Variants in AKAP11 observed in about 807,000 individuals in gnomAD.
The protein encoded by AKAP11 is A-kinase anchor protein 11.
Under a neutral mutation model 146.1 loss-of-function variants are expected in AKAP11, and 36 were observed. The ratio of observed to expected loss-of-function variants is 0.25; its 90% CI spans 0.19 to 0.33. The LOEUF is 0.33. Ranked by LOEUF, AKAP11 falls within the 10% of genes least tolerant of loss-of-function variation. The pLI is 1.00. For synonymous variants in AKAP11, 780 were observed against 786.5 expected (o/e 0.99, Z 0.14); for missense variants, 2,201 against 2,197.0 (o/e 1.00, Z -0.04).
chr13:42,311,135 A>G (rs1320753572), intron 9 of AKAP11, among the ~76,000 whole-genome samples: 1 of 152,214 alleles, frequency 6.6e-6, no homozygotes, highest in African/African-American at 2.4e-5. Context: ...TTTTTATAAG[A>G]TGTATCACAA....
Position 42,323,259 on chromosome 13 carries a change from A to G in AKAP11, c.*4031A>G, listed in dbSNP as rs765202510. 1 of 152,630 alleles carries G rather than the reference A, an allele frequency of 6.6e-6. No individual in the cohort carries two copies. Among genetic ancestry groups the G allele is most frequent in the African/African-American group, 2.4e-5 (1 of 41,456 alleles). 9.5% of individuals were successfully genotyped at this position (152,630 alleles called of 1,614,324 possible). On this transcript the variant is annotated 3_prime_UTR_variant, in exon 13 of 13. Coordinates refer to ENST00000025301, the MANE Select transcript of AKAP11 (RefSeq NM_016248.4). Reference sequence around the variant, plus strand: ...AAGAGTTCTTCAATAAATTTAAGAAATACCTGGTCTTGGTTTTCATTCTAT... The same window carrying G: ...AAGAGTTCTTCAATAAATTTAAGAAGTACCTGGTCTTGGTTTTCATTCTAT...
At position 42,302,590 on chromosome 13, in the gene AKAP11, C is replaced by T; in HGVS notation, c.3844C>T (p.Leu1282Phe). Residue 1282 changes from leucine (L) to phenylalanine (F), a missense_variant, in exon 8 of 13, where the codon CTT (leucine) becomes TTT (phenylalanine). Physicochemically the swap from Leu to Phe is conservative, Grantham distance 22 (BLOSUM62 0). Coordinates refer to ENST00000025301, the MANE Select transcript of AKAP11 (RefSeq NM_016248.4). ...EKIAKVRNCM[L>F]FKQKKNSCYA... ...AATAGCAAAAGTCCGAAATTGTATGCTTTTCAAGCAAAAGAAGAACAGTTG... is the reference window on the plus strand; with the variant it reads ...AATAGCAAAAGTCCGAAATTGTATGTTTTTCAAGCAAAAGAAGAACAGTTG... 1 of 1,614,082 alleles carries T rather than the reference C, an allele frequency of 6.2e-7. No homozygotes were observed. Among genetic ancestry groups the T allele is most frequent in the Non-Finnish European group, 8.5e-7 (1 of 1,179,998 alleles).
rs1959910030 is a variant in AKAP11 at position 42,301,562 on chromosome 13, C to T, written c.2816C>T (p.Ala939Val). The T allele has an allele frequency of 3.1e-6, 5 of 1,614,002 alleles. No individual in the cohort carries two copies. Among genetic ancestry groups the T allele is most frequent in the African/African-American group, 1.3e-5 (1 of 74,928 alleles). The change falls in exon 8 of 13, where the codon GCT becomes GTT. Residue 939 changes from alanine (A) to valine (V), a missense_variant. Around this residue, in one of 3 missense-constraint regions of AKAP11, gnomAD observed 1,867 missense variants for 1,833.5 expected, o/e 1.02. Coordinates refer to ENST00000025301, the MANE Select transcript of AKAP11 (RefSeq NM_016248.4). ...GCTAGTAGCAATAAGGACATGTTTG[C>T]TGACCGGTTATCTAAATCTATTATT... ...SEASSNKDMF[A>V]DRLSKSIIKH...
Position 42,319,442 on chromosome 13 carries a change from A to G in AKAP11, c.*214A>G, listed in dbSNP as rs889322386. 7 of 598,404 alleles carry G rather than the reference A, an allele frequency of 1.2e-5. No individual in the cohort carries two copies. The South Asian group carries it at 1.2e-4, about 10-fold the overall frequency. 37.1% of individuals were successfully genotyped at this position (598,404 alleles called of 1,614,324 possible). A position where few individuals can be genotyped will look rare whatever the true frequency, so the allele number is the denominator to read the frequency against. On this transcript the variant is annotated 3_prime_UTR_variant, in exon 13 of 13. Transcript: ENST00000025301. ...AAATACTACCTTCATTTATTCTTCT[A>G]TACACATGTGTAGTGTGTCAAGACC...
chr13:42,307,149 A>AG, intron 8 of AKAP11, among the ~76,000 whole-genome samples: 1 of 152,218 alleles, frequency 6.6e-6, no homozygotes, highest in Non-Finnish European at 1.5e-5. Context: ...ATTCAAAAAA[A>AG]CAAAGTAGTA....
chr13:42,300,486 G>T lies in AKAP11; in HGVS notation c.1740G>T (p.Leu580Phe), dbSNP rs780752621. 5 of 1,614,050 alleles carry T rather than the reference G, an allele frequency of 3.1e-6. No homozygotes were observed. Among genetic ancestry groups the T allele is most frequent in the Middle Eastern group, 3.3e-4 (2 of 6,060 alleles). Residue 580 changes from leucine to phenylalanine, a missense_variant, in exon 8 of 13, where the codon TTG becomes TTT. Transcript: ENST00000025301. ...QKGVSSCTNALYHLAIKLTSS... is the reference protein window; with the variant it reads ...QKGVSSCTNAFYHLAIKLTSS... ...GAGTCTCTTCATGTACCAATGCTTT[G>T]TACCACTTAGCCATCAAATTGACAT...
intron 8 of AKAP11, among the ~76,000 whole-genome samples, chr13:42,307,441 TAGAG>T (rs1269226230): frequency 6.6e-6 from 1 of 151,836 alleles, no homozygotes; most frequent in Non-Finnish European, 1.5e-5. Flanking sequence ...GTTAGGGAGT[TAGAG>T]AGTGCTGGTG....
rs1038334062 is a variant in AKAP11, at chr13:42,308,446, C to CT, written c.5118-3dup. 3.2e-6 allele frequency: 5 copies of CT among 1,542,972 alleles called. No individual in the cohort carries two copies. In the Admixed American group the frequency reaches 7.9e-5, roughly 25 times the overall value. ...ATTTGATTTTTTTTCTTTTTTTCTT[C>CT]TTTTTAGTTCAAAAGAAATAGAAGA... is the stretch of plus-strand genomic sequence containing the variant. On this transcript the variant is annotated splice_region_variant and splice_polypyrimidine_tract_variant and intron_variant, in intron 8 of 12. Coordinates refer to ENST00000025301, the MANE Select transcript of AKAP11 (RefSeq NM_016248.4).
At chr13:42,288,046 C>T (rs1398257601) in intron 3 of AKAP11, among the ~76,000 whole-genome samples, 2 of 152,084 alleles carry the variant, frequency 1.3e-5, no homozygotes, top group Non-Finnish European at 2.9e-5. Context: ...TATGTGAATC[C>T]AGATATTACA....
intron 12 of AKAP11, among the ~76,000 whole-genome samples, chr13:42,317,960 A>C (rs1436501692): frequency 2.0e-5 from 3 of 152,192 alleles, no homozygotes; most frequent in Non-Finnish European, 4.4e-5. Context: ...GTTAAAAAAA[A>C]TGCTTGGTCT....
chr13:42,312,577 C>T (rs544210279), intron 9 of AKAP11, among the ~76,000 whole-genome samples: 2 of 152,314 alleles, frequency 1.3e-5, no homozygotes, highest in Non-Finnish European at 2.9e-5. Context: ...ATAGAGTCTT[C>T]CATCCCATCT....
At chr13:42,306,886 A>G (rs1211532591) in intron 8 of AKAP11, among the ~76,000 whole-genome samples, 1 of 152,160 alleles carries the variant, frequency 6.6e-6, no homozygotes, top group Admixed American at 6.5e-5. Flanking sequence ...AGATCTCACT[A>G]TGTTGCTCAG....
At position 42,292,546 on chromosome 13, in the gene AKAP11, A is replaced by G. The variant is rs189971792; in HGVS notation, c.168+45A>G. The G allele has an allele frequency of 3.9e-3, 4,518 of 1,172,468 alleles. 12 individuals carry two copies. The highest frequency in any genetic ancestry group is 5.1e-3 in the Non-Finnish European group (4,179 of 819,186). The allele number at this position is 1,172,468 out of a possible 1,614,324, so 72.6% of individuals were successfully genotyped here. On this transcript the variant is annotated intron_variant, in intron 4 of 12. Coordinates refer to ENST00000025301, the MANE Select transcript of AKAP11 (RefSeq NM_016248.4). ...AAACCCTTTCCTAATAATGCACAGC[A>G]TATTTTCATGCATCTTTGTAGGACT... is the stretch of plus-strand genomic sequence containing the variant.
In AKAP11 at chr13:42,319,152, A is replaced by G. The variant is rs749769902; in HGVS notation, c.5630A>G (p.Tyr1877Cys). ...GACCTCCTGCAGGCTGTGCTTCAAT[A>G]CTATGAAGTGATGGAAAAAGCTTCC... ...VGDLLQAVLQYYEVMEKASSE... is the reference protein window; with the variant it reads ...VGDLLQAVLQCYEVMEKASSE... The change falls in exon 13 of 13, where the codon TAC (tyrosine) becomes TGC (cysteine). Residue 1877 changes from tyrosine to cysteine, a missense_variant. Transcript: ENST00000025301. 2 of 1,614,078 alleles carry G rather than the reference A, an allele frequency of 1.2e-6. No homozygotes were observed. The highest frequency in any genetic ancestry group is 2.2e-5 in the East Asian group (1 of 44,876).
chr13:42,302,558 C>G lies in AKAP11; in HGVS notation c.3812C>G (p.Ala1271Gly), dbSNP rs1439034185. The G allele has an allele frequency of 6.2e-7, 1 of 1,613,868 alleles. No individual in the cohort carries two copies. Among genetic ancestry groups the G allele is most frequent in the African/African-American group, 1.3e-5 (1 of 74,866 alleles). Residue 1271 changes from alanine (A) to glycine (G), a missense_variant, in exon 8 of 13, where the codon GCT becomes GGT. Around this residue, in one of 3 missense-constraint regions of AKAP11, gnomAD observed 1,867 missense variants for 1,833.5 expected, o/e 1.02. Coordinates refer to ENST00000025301, the MANE Select transcript of AKAP11 (RefSeq NM_016248.4). ...CTGGCAGCAGAAGTCATTACAGAAGCTGAGAAAATAGCAAAAGTCCGAAAT... is the reference window on the plus strand; with the variant it reads ...CTGGCAGCAGAAGTCATTACAGAAGGTGAGAAAATAGCAAAAGTCCGAAAT... ...GDLAAEVITE[A>G]EKIAKVRNCM...
chr13:42,304,156 TTAAA>T (rs1410282849), intron 8 of AKAP11, among the ~76,000 whole-genome samples: 1 of 152,232 alleles, frequency 6.6e-6, no homozygotes, highest in South Asian at 2.1e-4. Context: ...TAAAGTTGAA[TTAAA>T]TAAATAGCTA....
Position 42,300,641 on chromosome 13 carries a change from A to G in AKAP11, c.1895A>G (p.Gln632Arg), listed in dbSNP as rs373431518. The change falls in exon 8 of 13, where the codon CAG (glutamine) becomes CGG (arginine). Residue 632 changes from glutamine (Q) to arginine (R), a missense_variant. Physicochemically the swap from Gln to Arg is conservative, Grantham distance 43. Coordinates refer to ENST00000025301, the MANE Select transcript of AKAP11 (RefSeq NM_016248.4). Reference sequence around the variant, plus strand: ...TTATCAAATGCCTTAAAAGATTTACAGTATGTAAAGAAGCAGATATTCACA... The same window carrying G: ...TTATCAAATGCCTTAAAAGATTTACGGTATGTAAAGAAGCAGATATTCACA... ...EALSNALKDL[Q>R]YVKKQIFTNT... 4.3e-5 allele frequency: 69 copies of G among 1,613,984 alleles called. No individual in the cohort carries two copies. The highest frequency in any genetic ancestry group is 5.3e-5 in the Non-Finnish European group (63 of 1,179,970).
At chr13:42,316,226 T>C (rs1960815112) in intron 11 of AKAP11, among the ~76,000 whole-genome samples, 1 of 152,190 alleles carries the variant, frequency 6.6e-6, no homozygotes, top group Admixed American at 6.5e-5. Context: ...AAATAATTAA[T>C]AGTGGTCTAG....
rs576236263 is a variant in AKAP11 at position 42,302,632 on chromosome 13, G to A, written c.3886G>A (p.Glu1296Lys). 1.7e-5 allele frequency: 27 copies of A among 1,614,140 alleles called. No homozygotes were observed. Among genetic ancestry groups the A allele is most frequent in the South Asian group, 6.6e-5 (6 of 91,066 alleles). The change falls in exon 8 of 13, where the codon GAA becomes AAA. Residue 1296 changes from glutamate to lysine, a missense_variant. Transcript: ENST00000025301. Reference sequence around the variant, plus strand: ...GAACAGTTGTTATGCTGATGGTGACGAAGATTATAAAGTAGAAGAGAAGTT... The same window carrying A: ...GAACAGTTGTTATGCTGATGGTGACAAAGATTATAAAGTAGAAGAGAAGTT... ...KKNSCYADGDEDYKVEEKLDI... is the reference protein window; with the variant it reads ...KKNSCYADGDKDYKVEEKLDI...
Sources: gnomAD v4.1 joint callset for allele counts (sites outside exome capture counted in the v4.1 genomes callset) on GRCh38, gnomAD v4.1.1 for gene constraint, gnomAD v4.1.1 regional missense constraint, MANE v1.5 for transcripts, NCBI Gene and HGNC (gene_info 2026-07-23, HGNC 2026-07-21) for gene names.